The following KCNMA1 variants were observed in gnomAD, a reference collection of about 807,000 sequenced individuals.
KCNMA1 encodes potassium calcium-activated channel subfamily M alpha 1, also known as Calcium-activated potassium channel subunit alpha-1.
In KCNMA1, 29 loss-of-function variants were observed where a neutral mutation model predicts 140.0. That is an observed-to-expected ratio of 0.21 (90% CI 0.15 to 0.28). The LOEUF is 0.28. Among genes scored for constraint, KCNMA1 ranks in the 10% least tolerant of loss-of-function variants. The pLI, the probability that KCNMA1 is intolerant of heterozygous loss-of-function variation, is 1.00. For missense variants in KCNMA1, 880 were observed against 1,602.2 expected (o/e 0.55, Z 7.70); for synonymous variants, 612 against 611.9 (o/e 1.00, Z 0.00).
chr10:77,377,610 TGAG>T (rs1404886747), intron 2 of KCNMA1, among the ~76,000 whole-genome samples: 1 of 152,164 alleles, frequency 6.6e-6, no homozygotes, highest in Non-Finnish European at 1.5e-5. Context: ...TGCTGGGCCA[TGAG>T]GATACAGTCT....
At chr10:77,228,911 A>G (rs2052528086) in intron 3 of KCNMA1, among the ~76,000 whole-genome samples, 1 of 152,278 alleles carries the variant, frequency 6.6e-6, no homozygotes, top group Non-Finnish European at 1.5e-5. Flanking sequence ...GCTTGGGACC[A>G]AGAAAAGAAT....
chr10:77,304,356 C>T (rs12573582), intron 2 of KCNMA1: 51,078 of 152,100 alleles, frequency 0.34, 9,393 homozygotes, highest in East Asian at 0.48. Context: ...GATGATCCCA[C>T]TCAGGTTCCC....
rs540825969 is a variant in KCNMA1 at position 77,555,227 on chromosome 10, C to T, written c.378+82038G>A. ...ACACTTCAGGGCGGGAGTCAGACGGCCCCCTCACAGGCCAGGGTGACATGT... is the reference window on the plus strand; with the variant it reads ...ACACTTCAGGGCGGGAGTCAGACGGTCCCCTCACAGGCCAGGGTGACATGT... On this transcript the variant is annotated intron_variant, in intron 1 of 27. Transcript: ENST00000286628. Among the ~76,000 whole-genome samples, 9 of 152,310 alleles carry T rather than the reference C, an allele frequency of 5.9e-5. No homozygotes were observed. In the East Asian group the frequency reaches 1.7e-3, roughly 29 times the overall value.
At chr10:77,428,472 G>A (rs1263259270) in intron 1 of KCNMA1, among the ~76,000 whole-genome samples, 2 of 152,210 alleles carry the variant, frequency 1.3e-5, no homozygotes, top group South Asian at 2.1e-4. Context: ...GTGGTGGAGA[G>A]AATCCTTAGG....
At chr10:77,464,909 A>G (rs2097955388) in intron 1 of KCNMA1, among the ~76,000 whole-genome samples, 1 of 152,196 alleles carries the variant, frequency 6.6e-6, no homozygotes, top group Non-Finnish European at 1.5e-5. Flanking sequence ...CATCAAATGA[A>G]TTGCTTCCCT....
At chr10:77,558,030 A>G (rs370087767) in intron 1 of KCNMA1, among the ~76,000 whole-genome samples, 102 of 152,342 alleles carry the variant, frequency 6.7e-4, no homozygotes, top group African/African-American at 2.3e-3. Flanking sequence ...TAATAACAAT[A>G]TGAATTAATA....
chr10:77,202,453 A>T (rs1013817020), intron 3 of KCNMA1, among the ~76,000 whole-genome samples: 4 of 152,174 alleles, frequency 2.6e-5, no homozygotes, highest in African/African-American at 9.7e-5. Context: ...GAATAATGCA[A>T]CTGATGTGAT....
intron 9 of KCNMA1, among the ~76,000 whole-genome samples, chr10:77,094,150 A>G (rs148390137): frequency 2.0e-5 from 3 of 152,280 alleles, no homozygotes; most frequent in African/African-American, 7.2e-5. Context: ...TAACCAATAT[A>G]AAGTATTCTG....
chr10:77,069,581 C>T (rs749317130), intron 14 of KCNMA1, among the ~76,000 whole-genome samples: 2 of 151,918 alleles, frequency 1.3e-5, no homozygotes, highest in Non-Finnish European at 2.9e-5. Context: ...AATTCATTAC[C>T]CCCAAAGATA....
chr10:77,272,503 G>A (rs2065440977), intron 2 of KCNMA1, among the ~76,000 whole-genome samples: 1 of 152,080 alleles, frequency 6.6e-6, no homozygotes, highest in Admixed American at 6.5e-5. Context: ...CATCCCTCCT[G>A]AGGTCCTCTT....
At chr10:77,052,030 A>T (rs2095386652) in intron 14 of KCNMA1, among the ~76,000 whole-genome samples, 1 of 152,138 alleles carries the variant, frequency 6.6e-6, no homozygotes, top group South Asian at 2.1e-4. Flanking sequence ...AGTGATAGTG[A>T]TGATGCTGAT....
chr10:77,542,490 C>T (rs555017602), intron 1 of KCNMA1, among the ~76,000 whole-genome samples: 6 of 152,150 alleles, frequency 3.9e-5, no homozygotes, highest in Admixed American at 1.3e-4. Flanking sequence ...ATTGTTAGAA[C>T]GCCTTGGAAG....
Position 77,458,818 on chromosome 10 carries a change from T to C in KCNMA1, c.379-54795A>G, listed in dbSNP as rs541236965. Among the ~76,000 whole-genome samples the C allele has an allele frequency of 5.3e-5, 8 of 152,208 alleles. No individual in the cohort carries two copies. In the South Asian group the frequency reaches 1.7e-3, roughly 31 times the overall value. ...GGAAGGCACCAGCCACATTGAGCTA[T>C]CTACATTTAAATTACTTGAATTGAA... is the stretch of plus-strand genomic sequence containing the variant. On this transcript the variant is annotated intron_variant, in intron 1 of 27. Transcript: ENST00000286628.
chr10:77,620,274 C>T (rs936189223), intron 1 of KCNMA1, among the ~76,000 whole-genome samples: 4 of 152,048 alleles, frequency 2.6e-5, no homozygotes, highest in African/African-American at 7.2e-5. Flanking sequence ...CGGGCCTGGC[C>T]GCCAGGCCTG....
At chr10:77,264,954 C>G (rs1461880403) in intron 2 of KCNMA1, among the ~76,000 whole-genome samples, 2 of 152,164 alleles carry the variant, frequency 1.3e-5, no homozygotes, top group African/African-American at 4.8e-5. Context: ...GGACACAAAA[C>G]TGAAGAATGC....
At chr10:77,038,306 G>A (rs950266284) in intron 15 of KCNMA1, among the ~76,000 whole-genome samples, 51 of 152,080 alleles carry the variant, frequency 3.4e-4, no homozygotes, top group African/African-American at 1.2e-3. Flanking sequence ...GTTTTGTTTC[G>A]ATGTCTTCAG....
chr10:77,051,922 G>A (rs937446794), intron 14 of KCNMA1, among the ~76,000 whole-genome samples: 6 of 152,202 alleles, frequency 3.9e-5, no homozygotes, highest in Non-Finnish European at 7.3e-5. Context: ...TGCAACAGAT[G>A]AGCATGTGTT....
chr10:77,463,550 G>A (rs2097918291), intron 1 of KCNMA1, among the ~76,000 whole-genome samples: 1 of 152,162 alleles, frequency 6.6e-6, no homozygotes, highest in Non-Finnish European at 1.5e-5. Flanking sequence ...TTAAGTAATT[G>A]ATGGAGCACA....
chr10:76,875,969 A>T (rs2032306836), downstream of KCNMA1: 1 of 152,582 alleles, frequency 6.6e-6, no homozygotes, highest in South Asian at 2.1e-4. Context: ...TATAGAACTA[A>T]TTCTACAAAA....
Sources: allele counts gnomAD v4.1 joint callset (sites outside exome capture counted in the v4.1 genomes callset), GRCh38; gene constraint gnomAD v4.1.1; transcripts MANE v1.5; gene names NCBI Gene and HGNC (gene_info 2026-07-23, HGNC 2026-07-21).